Variants in ALK observed in about 807,000 individuals in gnomAD.
ALK encodes the protein ALK receptor tyrosine kinase, also known as ALK tyrosine kinase receptor.
Under a neutral mutation model 163.1 loss-of-function variants are expected in ALK, and 74 were observed. The ratio of observed to expected loss-of-function variants is 0.45; its 90% CI spans 0.38 to 0.55. The LOEUF is 0.55. Ranked by LOEUF, ALK falls within the 20% of genes least tolerant of loss-of-function variation. ALK has a pLI of 0.00. For synonymous variants in ALK, 960 were observed against 843.2 expected (o/e 1.14, Z -2.40); for missense variants, 2,063 against 2,105.3 (o/e 0.98, Z 0.39).
chr2:29,227,713 G>A lies in ALK; in HGVS notation c.2816-41C>T. 1 of 1,545,138 alleles carries A rather than the reference G, an allele frequency of 6.5e-7. No homozygotes were observed. Among genetic ancestry groups the A allele is most frequent in the Non-Finnish European group, 8.9e-7 (1 of 1,118,368 alleles). On this transcript the variant is annotated intron_variant, in intron 16 of 28. Transcript: ENST00000389048. The surrounding 1 kb of genome is among the most constrained non-coding windows in gnomAD (Gnocchi z 4.4). ...GAGCAGAGTTTAACATGGGGGGTGGGTGCCAAAATCTTAACACACACACAC... is the reference window on the plus strand; with the variant it reads ...GAGCAGAGTTTAACATGGGGGGTGGATGCCAAAATCTTAACACACACACAC...
chr2:29,481,873 T>C (rs1671669505), intron 4 of ALK, among the ~76,000 whole-genome samples: 1 of 152,224 alleles, frequency 6.6e-6, no homozygotes, highest in Admixed American at 6.5e-5. Flanking sequence ...AGCAACAGAA[T>C]GACTTTCTGT....
At chr2:29,451,148 C>T (rs1670810089) in intron 4 of ALK, among the ~76,000 whole-genome samples, 1 of 152,092 alleles carries the variant, frequency 6.6e-6, no homozygotes, top group African/African-American at 2.4e-5. Flanking sequence ...TTTCAAGCAG[C>T]CTGTCTTCTT....
intron 8 of ALK, among the ~76,000 whole-genome samples, chr2:29,308,389 A>T (rs551280699): frequency 9.2e-5 from 14 of 152,304 alleles, no homozygotes; most frequent in African/African-American, 2.6e-4. Flanking sequence ...TACAATGAAC[A>T]TAAAGTTCTT....
intron 3 of ALK, among the ~76,000 whole-genome samples, chr2:29,611,441 C>T (rs1452760243): frequency 6.6e-6 from 1 of 152,178 alleles, no homozygotes. Flanking sequence ...CTCACTACAA[C>T]CCTGTGAGAT....
intron 3 of ALK, among the ~76,000 whole-genome samples, chr2:29,672,431 G>T (rs1295088542): frequency 2.0e-5 from 3 of 150,058 alleles, no homozygotes; most frequent in Non-Finnish European, 4.4e-5. Flanking sequence ...GCGGTGTTTG[G>T]TTTTTTGTTC....
chr2:29,559,110 G>C (rs1382322796), intron 3 of ALK, among the ~76,000 whole-genome samples: 2 of 152,158 alleles, frequency 1.3e-5, no homozygotes, highest in African/African-American at 2.4e-5. Flanking sequence ...ACCCAGATCT[G>C]AGGGCAAAAA....
At chr2:29,275,546 T>C in intron 9 of ALK, 50 bp from the exon 10 acceptor site, 1 of 1,591,572 alleles carries the variant, frequency 6.3e-7, no homozygotes, top group Non-Finnish European at 8.6e-7. Context: ...GGGGGTCTTG[T>C]CTTAGGATTC....
chr2:29,822,458 C>G (rs151201658), intron 1 of ALK, among the ~76,000 whole-genome samples: 1,577 of 152,350 alleles, frequency 0.01, 29 homozygotes, highest in African/African-American at 0.036. Context: ...GGGAGCATCA[C>G]TGTAGCTCCA....
At chr2:29,585,427 A>C (rs1674854330) in intron 3 of ALK, among the ~76,000 whole-genome samples, 1 of 152,250 alleles carries the variant, frequency 6.6e-6, no homozygotes, top group Non-Finnish European at 1.5e-5. Context: ...CCTGGGTTCA[A>C]GTGATTCTCA....
chr2:29,648,303 T>C (rs9808276), intron 3 of ALK, among the ~76,000 whole-genome samples: 97,510 of 152,062 alleles, frequency 0.64, 31,990 homozygotes, highest in East Asian at 0.75. Flanking sequence ...TCTCCCTTCC[T>C]AGAGCATACA....
intron 4 of ALK, among the ~76,000 whole-genome samples, chr2:29,405,409 C>T (rs62130034): frequency 0.21 from 31,940 of 152,160 alleles, 3,918 homozygotes; most frequent in Non-Finnish European, 0.28. Context: ...CTAAAAAGCA[C>T]ATGCATGAAA....
intron 1 of ALK, among the ~76,000 whole-genome samples, chr2:29,831,478 A>G (rs1320117596): frequency 1.3e-5 from 2 of 151,946 alleles, no homozygotes; most frequent in Non-Finnish European, 2.9e-5. Context: ...TATACGCTAA[A>G]TTCTTAGTTC....
intron 1 of ALK, among the ~76,000 whole-genome samples, chr2:29,851,538 A>G (rs1665992294): frequency 6.6e-6 from 1 of 152,170 alleles, no homozygotes; most frequent in Non-Finnish European, 1.5e-5. Context: ...TGCCTAGACC[A>G]GTTGTTCTCA....
At chr2:29,475,388 G>T (rs1219529198) in intron 4 of ALK, among the ~76,000 whole-genome samples, 2 of 152,158 alleles carry the variant, frequency 1.3e-5, no homozygotes, top group African/African-American at 4.8e-5. Flanking sequence ...CCCAAGAGGT[G>T]AACTCTCCTG....
chr2:29,839,519 G>T (rs961879932), intron 1 of ALK, among the ~76,000 whole-genome samples: 2 of 152,092 alleles, frequency 1.3e-5, no homozygotes, highest in Admixed American at 1.3e-4. Context: ...ACATGGCAAG[G>T]TATCTTTATG....
intron 1 of ALK, among the ~76,000 whole-genome samples, chr2:29,824,233 G>C (rs985904105): frequency 3.3e-5 from 5 of 152,248 alleles, no homozygotes; most frequent in Non-Finnish European, 5.9e-5. Flanking sequence ...GGAAATGCCT[G>C]GATGTCCAGG....
At chr2:29,365,591 T>C (rs912175520) in intron 5 of ALK, among the ~76,000 whole-genome samples, 1 of 152,228 alleles carries the variant, frequency 6.6e-6, no homozygotes, top group African/African-American at 2.4e-5. Context: ...GCATCCTGTC[T>C]TCAGTCATCA....
At chr2:29,270,497 G>A (rs931796859) in intron 11 of ALK, among the ~76,000 whole-genome samples, 1 of 152,128 alleles carries the variant, frequency 6.6e-6, no homozygotes, top group Non-Finnish European at 1.5e-5. Flanking sequence ...ATGCAGTCCC[G>A]GGTTCCTAAA....
intron 2 of ALK, among the ~76,000 whole-genome samples, chr2:29,710,629 C>T (rs1322712099): frequency 6.6e-6 from 1 of 152,112 alleles, no homozygotes. Flanking sequence ...GATTCTCCTA[C>T]CTCAGACTTC....
Sources: allele counts gnomAD v4.1 joint callset (sites outside exome capture counted in the v4.1 genomes callset), GRCh38; gene constraint gnomAD v4.1.1; non-coding constraint Gnocchi (gnomAD v3.1); transcripts MANE v1.5; gene names NCBI Gene and HGNC (gene_info 2026-07-23, HGNC 2026-07-21).